Variants in RBM41 observed in about 807,000 individuals in gnomAD.
RBM41 encodes RNA binding motif protein 41.
A neutral mutation model predicts 30.8 loss-of-function variants in RBM41; 14 were observed. The ratio of observed to expected loss-of-function variants is 0.45; its 90% CI spans 0.30 to 0.71. The LOEUF (loss-of-function observed/expected upper bound fraction) is 0.71, where lower values mean the gene tolerates loss of function less well. RBM41 is among the 30% of genes least tolerant of loss of function. The pLI, the probability that RBM41 is intolerant of heterozygous loss-of-function variation, is 0.08. For synonymous variants in RBM41, 120 were observed against 110.1 expected, an observed-to-expected ratio of 1.09 and a Z score of -0.56; for missense variants, 276 against 326.3, an observed-to-expected ratio of 0.85 and a Z score of 1.19.
intron 7 of RBM41, among the ~76,000 whole-genome samples, chrX:107,068,799 T>A (rs1935936862): frequency 8.9e-6 from 1 of 112,395 alleles, no homozygotes; most frequent in Non-Finnish European, 1.9e-5. Context: ...ATGCATTAAT[T>A]AATATGCAAA....
intron 5 of RBM41, among the ~76,000 whole-genome samples, chrX:107,103,502 C>T (rs1278559648): frequency 9.0e-6 from 1 of 110,691 alleles, no homozygotes; most frequent in Non-Finnish European, 1.9e-5. Flanking sequence ...AGAGCATGGC[C>T]CTGCTGACAC....
intron 5 of RBM41, among the ~76,000 whole-genome samples, chrX:107,098,100 C>T (rs1231706937): frequency 1.8e-5 from 2 of 111,555 alleles, no homozygotes; most frequent in African/African-American, 6.5e-5. Flanking sequence ...TATTCAGAAT[C>T]ACAAAAGGTG....
At chrX:107,097,588 T>A (rs760013720) in intron 5 of RBM41, among the ~76,000 whole-genome samples, 13 of 111,850 alleles carry the variant, frequency 1.2e-4, no homozygotes, top group Non-Finnish European at 2.1e-4. Context: ...TCCGCTATGA[T>A]TTTAAGTTTC....
At chrX:107,085,848 G>A (rs1337847781) in intron 6 of RBM41, among the ~76,000 whole-genome samples, 1 of 111,381 alleles carries the variant, frequency 9.0e-6, no homozygotes, top group Non-Finnish European at 1.9e-5. Flanking sequence ...ATAAAATACC[G>A]ATAATCTGAT....
chrX:107,118,304 G>A (rs1420633860), intron 1 of RBM41, among the ~76,000 whole-genome samples: 1 of 107,083 alleles, frequency 9.3e-6, no homozygotes, highest in African/African-American at 3.4e-5. Flanking sequence ...AGCGCTACAT[G>A]GTTTCGGGGC....
At chrX:107,092,100 G>A (rs376941588) in intron 5 of RBM41, among the ~76,000 whole-genome samples, 66 of 111,619 alleles carry the variant, frequency 5.9e-4, no homozygotes, top group Non-Finnish European at 1.1e-4. Flanking sequence ...TAAATTTCAC[G>A]CTGTAGGAGT....
intron 7 of RBM41, 118 bp downstream of exon 7, chrX:107,069,137 T>C (rs933757680): frequency 1.5e-6 from 1 of 681,240 alleles, no homozygotes; most frequent in African/African-American, 2.3e-5. Context: ...TTTCGTTCAT[T>C]GTCTTGTTCT....
rs1226764003 is a variant in RBM41, at chrX:107,062,680, ACAC to A, written c.*4844_*4846del. On this transcript the variant is annotated 3_prime_UTR_variant, in exon 8 of 8. Transcript: ENST00000685964. ...AAAAAGTAAAAATCACCCCAAAATC[ACAC>A]CACTTTAAAAATTTTACAAAGTGAA... is the stretch of plus-strand genomic sequence containing the variant. Among the ~76,000 whole-genome samples, 2 of 111,005 alleles carry A rather than the reference ACAC, an allele frequency of 1.8e-5. No individual in the cohort carries two copies. Among genetic ancestry groups the A allele is most frequent in the Non-Finnish European group, 3.8e-5 (2 of 52,929 alleles).
At position 107,088,482 on chromosome X, in the gene RBM41, C is replaced by T; in HGVS notation, c.953G>A (p.Arg318Gln). ...QRNRLSEEEI[R>Q]KIPMFSSYNP... ...ATATGAAGAAAACATAGGAATTTTT[C>T]GGATCTCTTCCTCTGACAAACGATT... Residue 318 changes from arginine (R) to glutamine (Q), a missense_variant, in exon 6 of 8, where the codon CGA (arginine) becomes CAA (glutamine). Transcript: ENST00000685964. 5 of 1,209,688 alleles carry T rather than the reference C, an allele frequency of 4.1e-6. No homozygotes were observed. Among genetic ancestry groups the T allele is most frequent in the Non-Finnish European group, 4.5e-6 (4 of 894,981 alleles).
In RBM41 at chrX:107,063,118, G is replaced by A. The variant is rs1011928245; in HGVS notation, c.*4409C>T. ...CCTGGTTTTTAGTATATTCAGAGTT[G>A]TGAAATCACCACCACGACCAATTTT... On this transcript the variant is annotated 3_prime_UTR_variant, in exon 8 of 8. Transcript: ENST00000685964. Among the ~76,000 whole-genome samples the A allele has an allele frequency of 9.0e-6, 1 of 111,180 alleles. No homozygotes were observed. The highest frequency in any genetic ancestry group is 3.3e-5 in the African/African-American group (1 of 30,580).
intron 1 of RBM41, among the ~76,000 whole-genome samples, chrX:107,116,975 A>G (rs1353812278): frequency 8.9e-6 from 1 of 112,500 alleles, no homozygotes; most frequent in Admixed American, 9.4e-5. Context: ...GGGAAGTCAA[A>G]GGTGTTTAAG....
chrX:107,055,333 AT>A, the RBM41 span, among the ~76,000 whole-genome samples: 4 of 109,614 alleles, frequency 3.6e-5, no homozygotes, highest in Non-Finnish European at 7.7e-5. Context: ...TTTTTTTATT[AT>A]TTTTTTTTGA....
chrX:107,062,849 T>C lies in RBM41; in HGVS notation c.*4678A>G, dbSNP rs1479948834. On this transcript the variant is annotated 3_prime_UTR_variant, in exon 8 of 8. Transcript: ENST00000685964. ...AAATGAATGCTTTTGCATAAAAATG[T>C]ATTCATACTATACATATTTCTGCAT... Among the ~76,000 whole-genome samples, 1 of 112,171 alleles carries C rather than the reference T, an allele frequency of 8.9e-6. No homozygotes were observed. Among genetic ancestry groups the C allele is most frequent in the African/African-American group, 3.2e-5 (1 of 30,897 alleles).
chrX:107,066,584 G>T lies in RBM41; in HGVS notation c.*943C>A. The T allele has an allele frequency of 2.9e-6, 1 of 343,983 alleles. No individual in the cohort carries two copies. The highest frequency in any genetic ancestry group is 3.8e-6 in the Non-Finnish European group (1 of 265,489). The allele number at this position is 343,983 out of a possible 1,213,427, so 28.3% of individuals were successfully genotyped here. A position where few individuals can be genotyped will look rare whatever the true frequency, so the allele number is the denominator to read the frequency against. On this transcript the variant is annotated 3_prime_UTR_variant, in exon 8 of 8. Coordinates refer to ENST00000685964, the MANE Select transcript of RBM41 (RefSeq NM_001324242.2). ...TATCCTCACTTTATAGATGAAAAAT[G>T]TGAGGCTCAGATTAAGTGACTTGCC...
intron 6 of RBM41, among the ~76,000 whole-genome samples, chrX:107,082,227 T>C (rs1315034662): frequency 9.0e-6 from 1 of 111,688 alleles, no homozygotes; most frequent in Non-Finnish European, 1.9e-5. Context: ...TGAATCGATG[T>C]TAAGATATTT....
intron 5 of RBM41, among the ~76,000 whole-genome samples, chrX:107,091,055 C>A (rs982441840): frequency 9.1e-6 from 1 of 110,200 alleles, no homozygotes; most frequent in Non-Finnish European, 1.9e-5. Context: ...TGAGAACATG[C>A]GGTGTTTGGT....
downstream of RBM41, among the ~76,000 whole-genome samples, chrX:107,057,180 T>C (rs771785385): frequency 6.7e-4 from 75 of 111,388 alleles, no homozygotes; most frequent in African/African-American, 2.4e-3. Flanking sequence ...TTAGCTATAA[T>C]CTTTACTATT....
At chrX:107,117,398 T>G (rs2049102855) in intron 1 of RBM41, among the ~76,000 whole-genome samples, 1 of 111,983 alleles carries the variant, frequency 8.9e-6, no homozygotes, top group Non-Finnish European at 1.9e-5. Context: ...ATGAAACTAC[T>G]GAAGTAAAAG....
At chrX:107,097,796 G>A (rs1923112108) in intron 5 of RBM41, among the ~76,000 whole-genome samples, 1 of 111,923 alleles carries the variant, frequency 8.9e-6, no homozygotes, top group Non-Finnish European at 1.9e-5. Flanking sequence ...TATGGTTCCT[G>A]AAAGAAGCCA....
Sources: allele counts gnomAD v4.1 joint callset (sites outside exome capture counted in the v4.1 genomes callset), GRCh38; gene constraint gnomAD v4.1.1; transcripts MANE v1.5; gene names NCBI Gene and HGNC (gene_info 2026-07-23, HGNC 2026-07-21).